The following CSGALNACT1 variants were observed in gnomAD, a reference collection of about 807,000 sequenced individuals.
CSGALNACT1 encodes the protein chondroitin sulfate N-acetylgalactosaminyltransferase 1.
In CSGALNACT1, 52 loss-of-function variants were observed where a neutral mutation model predicts 51.0. The ratio of observed to expected loss-of-function variants is 1.02; its 90% CI spans 0.82 to 1.29. CSGALNACT1 has a LOEUF of 1.29. Among genes scored for constraint, CSGALNACT1 ranks in the 50% most tolerant of loss-of-function variants. The probability of loss-of-function intolerance (pLI) is 0.00; values close to 1 mark genes in which losing one functional copy is unlikely to be tolerated. For missense variants in CSGALNACT1, 935 were observed against 679.2 expected (o/e 1.38, Z -4.19); for synonymous variants, 341 against 254.4 (o/e 1.34, Z -3.24).
chr8:19,501,356 G>C (rs1047172542), intron 4 of CSGALNACT1, among the ~76,000 whole-genome samples: 8 of 151,978 alleles, frequency 5.3e-5, no homozygotes, highest in African/African-American at 1.2e-4. Flanking sequence ...AGCCCTCATG[G>C]CCTAATAATC....
Position 19,408,830 on chromosome 8 carries a change from C to A in CSGALNACT1, c.1228-136G>T, listed in dbSNP as rs374498183. 395 of 765,324 alleles carry A rather than the reference C, an allele frequency of 5.2e-4. 1 individual carries two copies. The highest frequency in any genetic ancestry group is 2.8e-3 in the Middle Eastern group (12 of 4,288). The allele number at this position is 765,324 out of a possible 1,614,324, so 47.4% of individuals were successfully genotyped here. A position where few individuals can be genotyped will look rare whatever the true frequency, so the allele number is the denominator to read the frequency against. ...AAACAGCCTCCACTGGTGCAGGAAA[C>A]GCAGATGGATTTGAGTCCTTGCAGA... On this transcript the variant is annotated intron_variant, in intron 8 of 9. Transcript: ENST00000454498.
At chr8:19,572,846 C>CA (rs1421629087) in intron 3 of CSGALNACT1, among the ~76,000 whole-genome samples, 1 of 152,154 alleles carries the variant, frequency 6.6e-6, no homozygotes, top group African/African-American at 2.4e-5. Flanking sequence ...GACTATTTTT[C>CA]ACTCTGTTCC....
intron 3 of CSGALNACT1, among the ~76,000 whole-genome samples, chr8:19,539,638 G>A (rs1310961993): frequency 1.3e-5 from 2 of 152,144 alleles, no homozygotes; most frequent in Non-Finnish European, 2.9e-5. Context: ...TAAAGGAGGT[G>A]GCAGTCCTAC....
Position 19,485,425 on chromosome 8 carries a change from A to T in CSGALNACT1, c.634+19776T>A, listed in dbSNP as rs142870377. Among the ~76,000 whole-genome samples, 23 of 152,098 alleles carry T rather than the reference A, an allele frequency of 1.5e-4. No individual in the cohort carries two copies. In the East Asian group the frequency reaches 4.5e-3, roughly 29 times the overall value. ...CCTAAGCCCCCAAGTCACTCAACAG[A>T]CCCCGTCTTGGCCAAGGGATCCCCA... On this transcript the variant is annotated intron_variant, in intron 4 of 9. Coordinates refer to ENST00000454498, the Ensembl canonical transcript of CSGALNACT1.
At chr8:19,494,665 C>A (rs749034969) in intron 4 of CSGALNACT1, among the ~76,000 whole-genome samples, 8 of 151,506 alleles carry the variant, frequency 5.3e-5, no homozygotes, top group Non-Finnish European at 1.2e-4. Flanking sequence ...CTACACTTAA[C>A]AAAGTTTTGA....
At chr8:19,439,207 T>C (rs2060896976) in intron 6 of CSGALNACT1, among the ~76,000 whole-genome samples, 1 of 152,256 alleles carries the variant, frequency 6.6e-6, no homozygotes, top group Admixed American at 6.5e-5. Flanking sequence ...TTTGAATACA[T>C]TTATTCCCCA....
At chr8:19,717,049 T>C (rs781068796) in intron 1 of CSGALNACT1, among the ~76,000 whole-genome samples, 10 of 152,246 alleles carry the variant, frequency 6.6e-5, no homozygotes, top group Non-Finnish European at 1.0e-4. Flanking sequence ...AATTCATATT[T>C]AATTCACAGG....
At chr8:19,571,377 G>A (rs148344588) in intron 3 of CSGALNACT1, among the ~76,000 whole-genome samples, 151 of 151,880 alleles carry the variant, frequency 9.9e-4, no homozygotes, top group East Asian at 9.7e-3. Flanking sequence ...AGAGTGGGGG[G>A]CACCTGAGAA....
At chr8:19,756,674 C>T (rs1162318752) in intron 1 of CSGALNACT1, among the ~76,000 whole-genome samples, 1 of 152,158 alleles carries the variant, frequency 6.6e-6, no homozygotes, top group African/African-American at 2.4e-5. Context: ...AGCCACATCC[C>T]CCACTAGCCC....
At chr8:19,649,289 G>C (rs1465746852) in intron 1 of CSGALNACT1, among the ~76,000 whole-genome samples, 1 of 152,098 alleles carries the variant, frequency 6.6e-6, no homozygotes, top group Non-Finnish European at 1.5e-5. Flanking sequence ...AGCTATGAAA[G>C]TACCCACAGA....
intron 5 of CSGALNACT1, among the ~76,000 whole-genome samples, chr8:19,450,198 GGGGAGAAAGAGC>G (rs1191328677): frequency 1.3e-5 from 1 of 74,862 alleles, no homozygotes; most frequent in African/African-American, 5.5e-5. Flanking sequence ...GAGAGGGGGA[GGGGAGAAAGAGC>G]GGGAGGAAGA....
intron 3 of CSGALNACT1, among the ~76,000 whole-genome samples, chr8:19,561,279 T>C (rs568813281): frequency 4.6e-5 from 7 of 152,348 alleles, no homozygotes; most frequent in African/African-American, 1.2e-4. Flanking sequence ...TCTACATTTA[T>C]GGTTTATGAA....
intron 1 of CSGALNACT1, among the ~76,000 whole-genome samples, chr8:19,667,008 A>AAGGAAGGAAGGAAGG (rs1564386127): frequency 1.6e-4 from 5 of 31,450 alleles, no homozygotes; most frequent in Non-Finnish European, 1.7e-4. Flanking sequence ...AGAAAGAAAG[A>AAGGAAGGAAGGAAGG]AAGAAAGAAA....
intron 1 of CSGALNACT1, among the ~76,000 whole-genome samples, chr8:19,670,346 T>G (rs2059695228): frequency 6.6e-6 from 1 of 152,106 alleles, no homozygotes; most frequent in Non-Finnish European, 1.5e-5. Context: ...TCAATCTGTA[T>G]CCCCTGAATA....
intron 5 of CSGALNACT1, among the ~76,000 whole-genome samples, chr8:19,449,690 G>C (rs1353321716): frequency 2.6e-5 from 4 of 152,080 alleles, no homozygotes; most frequent in East Asian, 1.9e-4. Flanking sequence ...GTTAGAAAGA[G>C]AACATTAAGA....
chr8:19,500,518 C>G (rs1200140336), intron 4 of CSGALNACT1, among the ~76,000 whole-genome samples: 1 of 152,186 alleles, frequency 6.6e-6, no homozygotes, highest in Non-Finnish European at 1.5e-5. Flanking sequence ...GCTAACATCC[C>G]CAGCATATTG....
At chr8:19,530,507 T>C (rs73212595) in intron 3 of CSGALNACT1, among the ~76,000 whole-genome samples, 22,400 of 152,248 alleles carry the variant, frequency 0.15, 1,782 homozygotes, top group Non-Finnish European at 0.18. Flanking sequence ...ATGTAAACTT[T>C]ACTAGAATTC....
At chr8:19,453,906 C>T (rs1301670880) in intron 5 of CSGALNACT1, among the ~76,000 whole-genome samples, 2 of 148,276 alleles carry the variant, frequency 1.3e-5, no homozygotes, top group South Asian at 2.2e-4. Flanking sequence ...AGTGATACTC[C>T]TCCATGAGAA....
At chr8:19,619,315 G>C (rs972610942) in intron 1 of CSGALNACT1, among the ~76,000 whole-genome samples, 30 of 152,020 alleles carry the variant, frequency 2.0e-4, no homozygotes, top group African/African-American at 7.0e-4. Context: ...GAACCTGTGA[G>C]GAATACAATA....
Sources: allele counts gnomAD v4.1 joint callset (sites outside exome capture counted in the v4.1 genomes callset), GRCh38; gene constraint gnomAD v4.1.1; transcripts MANE v1.5; gene names NCBI Gene and HGNC (gene_info 2026-07-23, HGNC 2026-07-21).